MTF2: variants seen among roughly 807,000 people sequenced by gnomAD.
MTF2 encodes the protein metal response element binding transcription factor 2, also known as metal-response element-binding transcription factor 2.
Under a neutral mutation model 79.5 loss-of-function variants are expected in MTF2, and 11 were observed. The observed-to-expected ratio is 0.14, with a 90% CI of 0.09 to 0.23. The LOEUF (loss-of-function observed/expected upper bound fraction) is 0.23, where lower values mean the gene tolerates loss of function less well. MTF2 is among the 10% of genes least tolerant of loss of function. The pLI is 1.00. For missense variants in MTF2, 486 were observed against 711.2 expected, an observed-to-expected ratio of 0.68 and a Z score of 3.60; for synonymous variants, 208 against 232.8, an observed-to-expected ratio of 0.89 and a Z score of 0.97.
intron 1 of MTF2, among the ~76,000 whole-genome samples, chr1:93,108,886 G>A (rs1279598084): frequency 1.3e-5 from 2 of 152,094 alleles, no homozygotes; most frequent in African/African-American, 4.8e-5. Flanking sequence ...GACTTTGAGT[G>A]TCTAGGCACC....
At chr1:93,120,818 A>G (rs1028090029) in intron 9 of MTF2, 146 bp downstream of exon 9, 12 of 1,398,034 alleles carry the variant, frequency 8.6e-6, no homozygotes, top group Non-Finnish European at 1.0e-5. Context: ...TAAGTTTGGT[A>G]TGGATATCAG....
In MTF2 at chr1:93,129,445, C is replaced by A; in HGVS notation, c.1157C>A (p.Ser386Ter). 6.7e-7 allele frequency: 1 copy of A among 1,496,126 alleles called. No individual in the cohort carries two copies. The highest frequency in any genetic ancestry group is 9.0e-7 in the Non-Finnish European group (1 of 1,111,200). 92.7% of individuals were successfully genotyped at this position (1,496,126 alleles called of 1,614,324 possible). A position where few individuals can be genotyped will look rare whatever the true frequency, so the allele number is the denominator to read the frequency against. Residue 386 changes from serine (S) to a stop codon, truncating the protein, a stop_gained, in exon 11 of 15, where the codon TCA (serine) becomes TAA (stop). Coordinates refer to ENST00000370298, the MANE Select transcript of MTF2 (RefSeq NM_007358.4). LOFTEE classifies it high-confidence loss of function. ...AAGGCATCCAAACCTATATCTGATT[C>A]AAGGTAAAAGTTGATCTGTGGCTTA... ...GRKASKPISDSREVSNGIEKK... is the reference protein window; with the variant it reads ...GRKASKPISD
intron 1 of MTF2, among the ~76,000 whole-genome samples, chr1:93,098,719 A>G (rs1038719068): frequency 6.6e-6 from 1 of 152,248 alleles, no homozygotes; most frequent in South Asian, 2.1e-4. Context: ...GAATTTTTGC[A>G]TATGAACCAT....
chr1:93,105,351 T>G lies in MTF2; in HGVS notation c.6-4879T>G, dbSNP rs373052330. Among the ~76,000 whole-genome samples the G allele has an allele frequency of 3.2e-4, 49 of 152,230 alleles. No individual in the cohort carries two copies. In the East Asian group the frequency reaches 9.1e-3, roughly 28 times the overall value. On this transcript the variant is annotated intron_variant, in intron 1 of 14. Coordinates refer to ENST00000370298, the MANE Select transcript of MTF2 (RefSeq NM_007358.4). Reference sequence around the variant, plus strand: ...AGCACAAAGAATCAAGAGAATTTAGTTATTCTACCCCCCATCCCCAAGATC... The same window carrying G: ...AGCACAAAGAATCAAGAGAATTTAGGTATTCTACCCCCCATCCCCAAGATC...
At chr1:93,083,994 T>C (rs1654726270) in intron 1 of MTF2, among the ~76,000 whole-genome samples, 1 of 152,226 alleles carries the variant, frequency 6.6e-6, no homozygotes, top group South Asian at 2.1e-4. Context: ...TCCTGTGCAT[T>C]ATCTTTTCAC....
In MTF2 at chr1:93,101,574, T is replaced by TTTTTG. The variant is rs1557546775; in HGVS notation, c.6-8652_6-8651insGTTTT. 3.4e-5 allele frequency among the ~76,000 whole-genome samples: 3 copies of TTTTTG among 88,258 alleles called. 1 individual carries two copies. The highest frequency in any genetic ancestry group is 1.5e-4 in the African/African-American group (3 of 19,918). 57.9% of individuals were successfully genotyped at this position (88,258 alleles called of 152,430 possible). ...TGCCATGTTGCTCAGGCTGGTTTTT[T>TTTTTG]TTTTTTTTTTTTTTTTTTTTTTTGA... On this transcript the variant is annotated intron_variant, in intron 1 of 14. Transcript: ENST00000370298.
At chr1:93,111,516 T>A (rs1469339772) in intron 3 of MTF2, among the ~76,000 whole-genome samples, 1 of 152,206 alleles carries the variant, frequency 6.6e-6, no homozygotes, top group Non-Finnish European at 1.5e-5. Flanking sequence ...TTGACTTTAC[T>A]CTTAATGTTT....
intron 8 of MTF2, 74 bp from the exon 9 acceptor site, chr1:93,120,475 T>C (rs1421680692): frequency 3.6e-6 from 5 of 1,383,416 alleles, no homozygotes; most frequent in Non-Finnish European, 4.9e-6. Flanking sequence ...AATTACTGTT[T>C]TATAAGGAAA....
intron 9 of MTF2, 27 bp downstream of exon 9, chr1:93,120,699 T>C (rs374340329): frequency 2.3e-5 from 36 of 1,597,580 alleles, no homozygotes; most frequent in African/African-American, 2.2e-4. Context: ...CTAACTTCAG[T>C]AGCTACTTGA....
intron 11 of MTF2, among the ~76,000 whole-genome samples, chr1:93,130,615 T>G (rs2101092402): frequency 6.6e-6 from 1 of 151,910 alleles, no homozygotes; most frequent in Middle Eastern, 3.4e-3. Context: ...GTTTTGAGAA[T>G]GGATAGTATA....
At chr1:93,094,700 CTATT>C (rs1444565413) in intron 1 of MTF2, among the ~76,000 whole-genome samples, 1 of 151,980 alleles carries the variant, frequency 6.6e-6, no homozygotes, top group Non-Finnish European at 1.5e-5. Context: ...GTGGGCAAGA[CTATT>C]TCACATGTGC....
chr1:93,119,488 T>G, intron 8 of MTF2, 87 bp downstream of exon 8: 1 of 950,066 alleles, frequency 1.1e-6, no homozygotes, highest in Non-Finnish European at 1.6e-6. Context: ...TTACTTGGCT[T>G]AAGTAAAAAT....
rs745479680 is a variant in MTF2 at position 93,115,562 on chromosome 1, T to C, written c.576T>C (p.Asp192=). Residue 192 remains aspartate (D), a synonymous_variant, in exon 6 of 15, where the codon GAT becomes GAC. Coordinates refer to ENST00000370298, the MANE Select transcript of MTF2 (RefSeq NM_007358.4). ...LPYSVADLEW[D]AGHKTNVQQC... ...ATAGTGTGGCAGACCTTGAATGGGA[T>C]GCAGGTCATAAAACCAATGTCCAGC... is the stretch of plus-strand genomic sequence containing the variant. 9.9e-6 allele frequency: 16 copies of C among 1,611,836 alleles called. No homozygotes were observed. In the South Asian group the frequency reaches 1.5e-4, roughly 16 times the overall value.
chr1:93,082,430 A>G (rs2101009920), intron 1 of MTF2, among the ~76,000 whole-genome samples: 1 of 152,056 alleles, frequency 6.6e-6, no homozygotes, highest in East Asian at 1.9e-4. Flanking sequence ...ACAGGTGCAC[A>G]CCACCACACC....
intron 1 of MTF2, among the ~76,000 whole-genome samples, 163 bp downstream of exon 1, chr1:93,079,694 T>C (rs751347390): frequency 3.3e-5 from 5 of 151,864 alleles, no homozygotes; most frequent in Non-Finnish European, 7.4e-5. Flanking sequence ...TTGAAAAGAA[T>C]GGATGAAGAG....
chr1:93,120,430 A>C, intron 8 of MTF2, 119 bp from the exon 9 acceptor site: 1 of 868,284 alleles, frequency 1.2e-6, no homozygotes, highest in East Asian at 3.1e-5. Flanking sequence ...TATTGTGAAT[A>C]TGACTATCCA....
At position 93,133,991 on chromosome 1, in the gene MTF2, A is replaced by G; in HGVS notation, c.1319+11A>G. 1 of 1,570,114 alleles carries G rather than the reference A, an allele frequency of 6.4e-7. No homozygotes were observed. Among genetic ancestry groups the G allele is most frequent in the South Asian group, 1.2e-5 (1 of 86,940 alleles). On this transcript the variant is annotated intron_variant, in intron 13 of 14. Coordinates refer to ENST00000370298, the MANE Select transcript of MTF2 (RefSeq NM_007358.4). ...ACCTTGTTCTATAGGGTAAATAGAA[A>G]GTTATTTTCTCCCTTTCTAGGTTTT...
rs550421530 is a variant in MTF2 at position 93,137,923 on chromosome 1, T to C, written c.*896T>C. On this transcript the variant is annotated 3_prime_UTR_variant, in exon 15 of 15. Coordinates refer to ENST00000370298, the MANE Select transcript of MTF2 (RefSeq NM_007358.4). ...GTTCAGTACCTAAAACAAATTCAAA[T>C]AATATGAACATTATCTCCTACTAGA... 6.6e-6 allele frequency: 1 copy of C among 152,308 alleles called. No individual in the cohort carries two copies. The highest frequency in any genetic ancestry group is 2.4e-5 in the African/African-American group (1 of 41,572). The allele number at this position is 152,308 out of a possible 1,614,324, so 9.4% of individuals were successfully genotyped here.
intron 1 of MTF2, among the ~76,000 whole-genome samples, chr1:93,103,559 T>C (rs1047410076): frequency 2.6e-5 from 4 of 152,042 alleles, no homozygotes; most frequent in Non-Finnish European, 5.9e-5. Flanking sequence ...GTAGTACAAA[T>C]AAGAATCAGG....
Sources: allele counts gnomAD v4.1 joint callset (sites outside exome capture counted in the v4.1 genomes callset), GRCh38; gene constraint gnomAD v4.1.1; transcripts MANE v1.5; gene names NCBI Gene and HGNC (gene_info 2026-07-23, HGNC 2026-07-21).